Variants in UCHL1 observed in about 807,000 individuals in gnomAD.
The protein encoded by UCHL1 is ubiquitin C-terminal hydrolase L1, also known as ubiquitin carboxyl-terminal hydrolase isozyme L1.
Under a neutral mutation model 33.3 loss-of-function variants are expected in UCHL1, and 5 were observed. The observed-to-expected ratio is 0.15, with a 90% CI of 0.08 to 0.32. The LOEUF is 0.32. UCHL1 is among the 10% of genes least tolerant of loss of function. The pLI is 1.00. For missense variants in UCHL1, 236 were observed against 280.0 expected (o/e 0.84, Z 1.12); for synonymous variants, 132 against 108.8 (o/e 1.21, Z -1.33).
intron 8 of UCHL1, among the ~76,000 whole-genome samples, chr4:41,266,523 A>G (rs1188540892): frequency 2.6e-5 from 4 of 152,192 alleles, no homozygotes; most frequent in African/African-American, 9.6e-5. Flanking sequence ...TCAATATTGT[A>G]TGTCCTATAG....
intron 3 of UCHL1, 25 bp from the exon 4 acceptor site, chr4:41,260,622 G>A: frequency 1.2e-6 from 2 of 1,613,812 alleles, no homozygotes; most frequent in Non-Finnish European, 8.5e-7. Flanking sequence ...ATTCTGAGAT[G>A]TAAAAACGCT....
chr4:41,267,344 C>T (rs538465123), intron 8 of UCHL1, among the ~76,000 whole-genome samples: 18 of 152,116 alleles, frequency 1.2e-4, no homozygotes, highest in East Asian at 1.9e-4. Flanking sequence ...CCTGGGTTCA[C>T]GCCATTCTCC....
chr4:41,267,918 G>T, intron 8 of UCHL1, 69 bp from the exon 9 acceptor site: 2 of 1,380,604 alleles, frequency 1.4e-6, no homozygotes, highest in Non-Finnish European at 2.0e-6. Flanking sequence ...AGACCTTGGA[G>T]CCTTTCCCTA....
At chr4:41,263,534 CA>C (rs1256247053) in intron 7 of UCHL1, among the ~76,000 whole-genome samples, 3 of 152,230 alleles carry the variant, frequency 2.0e-5, no homozygotes, top group African/African-American at 7.2e-5. Context: ...GAAAAAGGAT[CA>C]GTGCCTGAAT....
At position 41,268,321 on chromosome 4, in the gene UCHL1, T is replaced by TA; in HGVS notation, c.*249dup. Reference sequence around the variant, plus strand: ...TCCCCAGTGTATGTCTTGTATCCGATATCTAACGCTTTAAATGGCTACTTT... The same window carrying TA: ...TCCCCAGTGTATGTCTTGTATCCGATAATCTAACGCTTTAAATGGCTACTTT... On this transcript the variant is annotated 3_prime_UTR_variant, in exon 9 of 9. Coordinates refer to ENST00000284440, the MANE Select transcript of UCHL1 (RefSeq NM_004181.5). 1.8e-6 allele frequency: 1 copy of TA among 557,016 alleles called. No individual in the cohort carries two copies. The allele number at this position is 557,016 out of a possible 1,614,324, so 34.5% of individuals were successfully genotyped here. A position where few individuals can be genotyped will look rare whatever the true frequency, so the allele number is the denominator to read the frequency against.
At chr4:41,263,781 T>TC (rs1319893253) in intron 7 of UCHL1, among the ~76,000 whole-genome samples, 1 of 152,210 alleles carries the variant, frequency 6.6e-6, no homozygotes, top group Non-Finnish European at 1.5e-5. Context: ...CGTCTCCTCC[T>TC]CTCGCCTCCA....
intron 8 of UCHL1, among the ~76,000 whole-genome samples, chr4:41,266,189 T>G (rs1395791338): frequency 6.7e-6 from 1 of 149,832 alleles, no homozygotes; most frequent in African/African-American, 2.5e-5. Context: ...CCCAGAGTGC[T>G]GGGATTATAG....
At chr4:41,260,587 G>GCTGC (rs1781054751) in intron 3 of UCHL1, 60 bp from the exon 4 acceptor site, 13 of 1,587,232 alleles carry the variant, frequency 8.2e-6, no homozygotes, top group Non-Finnish European at 8.6e-6. Context: ...GAACTCATGT[G>GCTGC]CTGCCATCTG....
Position 41,261,769 on chromosome 4 carries a change from AAGAC to A in UCHL1, c.384_387del (p.Asp128GlufsTer26). 1.2e-6 allele frequency: 2 copies of A among 1,614,020 alleles called. No homozygotes were observed. The highest frequency in any genetic ancestry group is 1.7e-6 in the Non-Finnish European group (2 of 1,180,036). ...TCTGAAACAGAGAAAATGTCCCCTGAAGACAGAGCAAAATGCTTTGAAAAGAATG... is the reference window on the plus strand; with the variant it reads ...TCTGAAACAGAGAAAATGTCCCCTGAAGAGCAAAATGCTTTGAAAAGAATG... On this transcript the variant is annotated frameshift_variant, in exon 5 of 9. Coordinates refer to ENST00000284440, the MANE Select transcript of UCHL1 (RefSeq NM_004181.5). LOFTEE classifies it high-confidence loss of function.
chr4:41,257,468 G>C (rs556171924), intron 2 of UCHL1, 141 bp from the exon 3 acceptor site: 8 of 1,162,728 alleles, frequency 6.9e-6, no homozygotes, highest in Non-Finnish European at 7.9e-6. Flanking sequence ...CGGCCCGGGT[G>C]GGGGTGGCAG....
At chr4:41,262,732 G>A (rs760647705) in intron 6 of UCHL1, among the ~76,000 whole-genome samples, 28 of 151,670 alleles carry the variant, frequency 1.8e-4, no homozygotes, top group African/African-American at 2.9e-4. Flanking sequence ...TCAGCCTCCC[G>A]AGTAGCTGGG....
At chr4:41,260,934 G>GACTC in intron 4 of UCHL1, 137 bp downstream of exon 4, 2 of 1,280,744 alleles carry the variant, frequency 1.6e-6, no homozygotes, top group South Asian at 2.5e-5. Context: ...CACTTAATCT[G>GACTC]ACTCACAGTC....
At chr4:41,262,863 C>A (rs1781094944) in intron 6 of UCHL1, among the ~76,000 whole-genome samples, 1 of 152,168 alleles carries the variant, frequency 6.6e-6, no homozygotes, top group Admixed American at 6.5e-5. Flanking sequence ...CTGCCTCAGC[C>A]TCCCAAAGTG....
rs574267194 is a variant in UCHL1 at position 41,265,488 on chromosome 4, G to A, written c.585+1327G>A. 2.0e-5 allele frequency among the ~76,000 whole-genome samples: 3 copies of A among 152,262 alleles called. No homozygotes were observed. In the South Asian group the frequency reaches 6.2e-4, roughly 32 times the overall value. On this transcript the variant is annotated intron_variant, in intron 8 of 8. Coordinates refer to ENST00000284440, the MANE Select transcript of UCHL1 (RefSeq NM_004181.5). ...AGCTGCTTGGGAGGCTGAGGCACAAGAATCACTTGTTACCTGGGAGGTGGA... is the reference window on the plus strand; with the variant it reads ...AGCTGCTTGGGAGGCTGAGGCACAAAAATCACTTGTTACCTGGGAGGTGGA...
intron 8 of UCHL1, among the ~76,000 whole-genome samples, 154 bp from the exon 9 acceptor site, chr4:41,267,833 A>AT (rs1192591226): frequency 1.3e-5 from 2 of 152,030 alleles, no homozygotes; most frequent in Non-Finnish European, 2.9e-5. Context: ...CCATCACCTG[A>AT]TTTTTTGCTT....
At chr4:41,262,578 TGAG>T (rs1437972785) in intron 6 of UCHL1, among the ~76,000 whole-genome samples, 1 of 151,764 alleles carries the variant, frequency 6.6e-6, no homozygotes, top group Admixed American at 6.6e-5. Context: ...CATAATCTGA[TGAG>T]AACCTCTGAG....
In UCHL1 at chr4:41,267,313, G is replaced by A. The variant is rs185924341; in HGVS notation, c.586-674G>A. Among the ~76,000 whole-genome samples, 67 of 152,084 alleles carry A rather than the reference G, an allele frequency of 4.4e-4. No homozygotes were observed. The East Asian group carries it at 0.012, about 28-fold the overall frequency. On this transcript the variant is annotated intron_variant, in intron 8 of 8. Coordinates refer to ENST00000284440, the MANE Select transcript of UCHL1 (RefSeq NM_004181.5). The stretch of plus-strand genomic sequence containing the variant: ...GGCTGGAGTGTAGTGGCGCGATCTC[G>A]CCTCACTGCAAGCTCCGCCTCCTGG...
chr4:41,261,852 C>G (rs1277465457), intron 5 of UCHL1, 24 bp from the exon 6 acceptor site: 2 of 1,614,050 alleles, frequency 1.2e-6, no homozygotes, highest in Non-Finnish European at 1.7e-6. Context: ...GATTTTTGTG[C>G]TAATTATTTT....
chr4:41,257,160 C>A (rs765540542), intron 2 of UCHL1, 34 bp downstream of exon 2: 1 of 1,611,592 alleles, frequency 6.2e-7, no homozygotes, highest in Non-Finnish European at 8.5e-7. Flanking sequence ...CTGGCCCCCT[C>A]CCCCGCGAGC....
Sources: gnomAD v4.1 joint callset for allele counts (sites outside exome capture counted in the v4.1 genomes callset) on GRCh38, gnomAD v4.1.1 for gene constraint, MANE v1.5 for transcripts, NCBI Gene and HGNC (gene_info 2026-07-23, HGNC 2026-07-21) for gene names.